The following GSE1 variants were observed in gnomAD, a reference collection of about 807,000 sequenced individuals.
The protein encoded by GSE1 is Gse1 coiled-coil protein.
A neutral mutation model predicts 112.6 loss-of-function variants in GSE1; 32 were observed. The observed-to-expected ratio is 0.28, with a 90% CI of 0.21 to 0.38. The LOEUF (loss-of-function observed/expected upper bound fraction) is 0.38, where lower values mean the gene tolerates loss of function less well. GSE1 is among the 10% of genes least tolerant of loss of function. The pLI is 1.00. For synonymous variants in GSE1, 1,115 were observed against 735.6 expected (o/e 1.52, Z -8.35); for missense variants, 2,348 against 1,699.2 (o/e 1.38, Z -6.71).
chr16:85,467,953 G>A (rs886658045), intron 2 of GSE1, among the ~76,000 whole-genome samples: 1 of 152,176 alleles, frequency 6.6e-6, no homozygotes, highest in Non-Finnish European at 1.5e-5. Flanking sequence ...TACACAGAGG[G>A]ACAGAAGAGA....
chr16:85,251,065 G>A (rs1906419901), intron 1 of GSE1, among the ~76,000 whole-genome samples: 1 of 152,210 alleles, frequency 6.6e-6, no homozygotes, highest in Non-Finnish European at 1.5e-5. Flanking sequence ...TTCATCCGTG[G>A]ATGGATGTTT....
At chr16:85,524,282 C>A (rs1169809083) in intron 2 of GSE1, among the ~76,000 whole-genome samples, 1 of 152,066 alleles carries the variant, frequency 6.6e-6, no homozygotes, top group Non-Finnish European at 1.5e-5. Flanking sequence ...GGACTTGAGA[C>A]CCCCAGGGCA....
chr16:85,494,288 G>A (rs2151899626), intron 2 of GSE1, among the ~76,000 whole-genome samples: 1 of 152,306 alleles, frequency 6.6e-6, no homozygotes, highest in South Asian at 2.1e-4. Context: ...GGCTCCTGGT[G>A]ACCTTTGGCT....
At chr16:85,650,508 G>A (rs928767949) in intron 3 of GSE1, among the ~76,000 whole-genome samples, 18 of 152,216 alleles carry the variant, frequency 1.2e-4, no homozygotes, top group African/African-American at 4.1e-4. Flanking sequence ...AGGACGCCTC[G>A]AGGGGATTCC....
chr16:85,244,452 GAT>G (rs1372405152), intron 1 of GSE1, among the ~76,000 whole-genome samples: 1 of 152,198 alleles, frequency 6.6e-6, no homozygotes, highest in Non-Finnish European at 1.5e-5. Context: ...CTGACCTCCA[GAT>G]GCATAAGAAA....
At chr16:85,389,138 G>A (rs1020682472) in intron 2 of GSE1, among the ~76,000 whole-genome samples, 1 of 152,200 alleles carries the variant, frequency 6.6e-6, no homozygotes, top group Non-Finnish European at 1.5e-5. Flanking sequence ...CAGCATCTGA[G>A]GCATTCTGAT....
intron 1 of GSE1, among the ~76,000 whole-genome samples, chr16:85,614,421 C>T (rs2048234912): frequency 1.3e-5 from 2 of 152,232 alleles, no homozygotes; most frequent in African/African-American, 2.4e-5. Context: ...CCCAGCTTTC[C>T]GCCTCCCCTC....
At chr16:85,318,907 T>A (rs2151495070) in intron 1 of GSE1, among the ~76,000 whole-genome samples, 1 of 152,328 alleles carries the variant, frequency 6.6e-6, no homozygotes, top group South Asian at 2.1e-4. Context: ...ATGACCTGGG[T>A]CCCTTAATAA....
chr16:85,544,242 G>A (rs1019421977), intron 2 of GSE1, among the ~76,000 whole-genome samples: 2 of 152,202 alleles, frequency 1.3e-5, no homozygotes, highest in Non-Finnish European at 2.9e-5. Context: ...TCCCCGCAGC[G>A]AAGAATCATC....
chr16:85,564,655 G>A (rs550658683), intron 1 of GSE1, among the ~76,000 whole-genome samples: 2 of 152,336 alleles, frequency 1.3e-5, no homozygotes, highest in African/African-American at 4.8e-5. Context: ...TAGGGGTGGG[G>A]CTCTGAAGCC....
intron 2 of GSE1, among the ~76,000 whole-genome samples, chr16:85,442,441 GATGAATGAATGA>G (rs57785914): frequency 6.7e-6 from 1 of 150,356 alleles, no homozygotes; most frequent in Admixed American, 6.6e-5. Context: ...TGAATGAATG[GATGAATGAATGA>G]ATGAATGAAT....
intron 2 of GSE1, among the ~76,000 whole-genome samples, chr16:85,505,669 C>G (rs930383932): frequency 1.3e-5 from 2 of 152,096 alleles, no homozygotes; most frequent in Non-Finnish European, 2.9e-5. Flanking sequence ...ACCCCTAATA[C>G]ATGATTGTGA....
At chr16:85,487,051 G>A (rs1418341623) in intron 2 of GSE1, among the ~76,000 whole-genome samples, 4 of 152,092 alleles carry the variant, frequency 2.6e-5, no homozygotes, top group Non-Finnish European at 4.4e-5. Flanking sequence ...GGAGGCCTTG[G>A]GCCATGCTGG....
chr16:85,331,466 T>C (rs2046353600), intron 1 of GSE1, among the ~76,000 whole-genome samples: 1 of 139,338 alleles, frequency 7.2e-6, no homozygotes, highest in African/African-American at 2.6e-5. Flanking sequence ...TATATGTGTG[T>C]ATATATGTAT....
At chr16:85,657,145 C>T (rs3815794) in intron 7 of GSE1, 132 bp from the exon 8 acceptor site, 231,420 of 595,476 alleles carry the variant, frequency 0.39, 47,608 homozygotes, top group East Asian at 0.66. Flanking sequence ...TTCTGAATAT[C>T]TTGGTTCTGG....
intron 1 of GSE1, among the ~76,000 whole-genome samples, chr16:85,261,982 C>G (rs1907741327): frequency 6.6e-6 from 1 of 152,150 alleles, no homozygotes; most frequent in African/African-American, 2.4e-5. Flanking sequence ...TTGTCTCCCC[C>G]ACTTTACAGA....
At chr16:85,331,557 G>GTA (rs1399521810) in intron 1 of GSE1, among the ~76,000 whole-genome samples, 6 of 86,812 alleles carry the variant, frequency 6.9e-5, no homozygotes, top group East Asian at 3.9e-4. Flanking sequence ...GTATATATGT[G>GTA]TATATGTGTA....
chr16:85,644,016 C>A (rs1487906098), intron 2 of GSE1, among the ~76,000 whole-genome samples: 1 of 152,058 alleles, frequency 6.6e-6, no homozygotes, highest in Non-Finnish European at 1.5e-5. Context: ...GCCGGGTGCA[C>A]AGGAGGGCTT....
chr16:85,382,907 TGCACACATACATGCACACACGC>T (rs2047585578), intron 2 of GSE1, among the ~76,000 whole-genome samples: 1 of 149,698 alleles, frequency 6.7e-6, no homozygotes, highest in African/African-American at 2.5e-5. Context: ...CATACACTTG[TGCACACATACATGCACACACGC>T]GCACACAACA....
Sources: gnomAD v4.1 joint callset for allele counts (sites outside exome capture counted in the v4.1 genomes callset) on GRCh38, gnomAD v4.1.1 for gene constraint, MANE v1.5 for transcripts, NCBI Gene and HGNC (gene_info 2026-07-23, HGNC 2026-07-21) for gene names.